The following DMD variants were observed in gnomAD, a reference collection of about 807,000 sequenced individuals.
DMD encodes mutant dystrophin.
In DMD, 63 loss-of-function variants were observed where a neutral mutation model predicts 330.1. The observed-to-expected ratio is 0.19, with a 90% CI of 0.16 to 0.24. The LOEUF (loss-of-function observed/expected upper bound fraction) is 0.24. Among genes scored for constraint, DMD ranks in the 10% least tolerant of loss-of-function variants. DMD has a pLI of 1.00. For missense variants in DMD, 3,344 were observed against 2,684.1 expected (o/e 1.25, Z -5.43); for synonymous variants, 1,223 against 959.8 (o/e 1.27, Z -5.07).
At chrX:31,856,813 T>C (rs774325379) in intron 48 of DMD, among the ~76,000 whole-genome samples, 35 of 112,332 alleles carry the variant, frequency 3.1e-4, no homozygotes, top group African/African-American at 9.7e-4. Context: ...AGAAGACGTA[T>C]TGTAATAAAG....
intron 1 of DMD, among the ~76,000 whole-genome samples, chrX:33,097,781 A>G (rs886326642): frequency 9.2e-6 from 1 of 108,282 alleles, no homozygotes; most frequent in Non-Finnish European, 1.9e-5. Flanking sequence ...ACGCCCGGCT[A>G]ATTTTTGTAT....
rs2032379724 is a variant in DMD, at chrX:31,120,995, T to C, written c.*924A>G. On this transcript the variant is annotated 3_prime_UTR_variant, in exon 79 of 79. Transcript: ENST00000357033. The stretch of plus-strand genomic sequence containing the variant: ...CTTTACTTTCGTTGTCAGTGGAAAG[T>C]TGTTTAAAATGAGAAACATCTGGAG... The C allele has an allele frequency of 9.0e-6, 1 of 111,469 alleles. No homozygotes were observed. 9.2% of individuals were successfully genotyped at this position (111,469 alleles called of 1,213,427 possible).
chrX:31,119,885 A>AATT lies in DMD; in HGVS notation c.*2031_*2033dup, dbSNP rs1555969339. On this transcript the variant is annotated 3_prime_UTR_variant, in exon 79 of 79. Transcript: ENST00000357033. ...TGAAAATTATGAAGGAAAAAGAAAG[A>AATT]ATTATAAAGGAAAAAGAAAATAACG... 8.9e-6 allele frequency: 1 copy of AATT among 112,125 alleles called. No individual in the cohort carries two copies. The highest frequency in any genetic ancestry group is 9.6e-5 in the Admixed American group (1 of 10,467). The allele number at this position is 112,125 out of a possible 1,213,427, so 9.2% of individuals were successfully genotyped here.
At chrX:31,924,385 A>G (rs2094738764) in intron 47 of DMD, among the ~76,000 whole-genome samples, 1 of 112,225 alleles carries the variant, frequency 8.9e-6, no homozygotes, top group Non-Finnish European at 1.9e-5. Flanking sequence ...ATACGTCTGG[A>G]AAAAGACTAA....
intron 44 of DMD, among the ~76,000 whole-genome samples, chrX:31,995,559 C>A (rs1034701106): frequency 9.0e-6 from 1 of 111,405 alleles, no homozygotes; most frequent in African/African-American, 3.3e-5. Flanking sequence ...TCAGAAATTG[C>A]TTTATCTATT....
At chrX:31,797,826 T>C (rs779538533) in intron 50 of DMD, among the ~76,000 whole-genome samples, 2 of 111,355 alleles carry the variant, frequency 1.8e-5, no homozygotes, top group East Asian at 5.6e-4. Flanking sequence ...ATAAGGGACA[T>C]ATAAAGTGAA....
intron 44 of DMD, among the ~76,000 whole-genome samples, chrX:32,105,319 A>G (rs890252079): frequency 4.5e-5 from 5 of 112,255 alleles, no homozygotes; most frequent in African/African-American, 1.6e-4. Flanking sequence ...GCTATTAGTG[A>G]ATAATGACAA....
chrX:32,224,204 T>TTAATA (rs2097140438), intron 43 of DMD, among the ~76,000 whole-genome samples: 1 of 111,690 alleles, frequency 9.0e-6, no homozygotes, highest in African/African-American at 3.2e-5. Context: ...ATAGATGTTA[T>TTAATA]TAATATACAA....
At chrX:31,393,068 A>G (rs765414062) in intron 60 of DMD, among the ~76,000 whole-genome samples, 2 of 112,636 alleles carry the variant, frequency 1.8e-5, no homozygotes, top group South Asian at 7.4e-4. Context: ...TTTAATATGG[A>G]AAGCAGGTCA....
chrX:31,138,616 T>A, intron 76 of DMD, among the ~76,000 whole-genome samples: 1 of 92,818 alleles, frequency 1.1e-5, no homozygotes, highest in African/African-American at 4.3e-5. Context: ...ACCTCTTACA[T>A]GGCAGCAGGA....
At chrX:31,471,025 C>T (rs1327473005) in intron 59 of DMD, among the ~76,000 whole-genome samples, 1 of 111,788 alleles carries the variant, frequency 8.9e-6, no homozygotes, top group African/African-American at 3.2e-5. Context: ...ATCCCAGGTC[C>T]ACTTCAGACT....
intron 55 of DMD, among the ~76,000 whole-genome samples, chrX:31,591,067 C>A (rs893610100): frequency 9.0e-6 from 1 of 111,717 alleles, no homozygotes; most frequent in East Asian, 2.8e-4. Flanking sequence ...GTAAAACTTA[C>A]CAGATTTTAA....
intron 41 of DMD, among the ~76,000 whole-genome samples, chrX:32,315,525 AG>A (rs1296615546): frequency 8.3e-5 from 9 of 108,320 alleles, no homozygotes; most frequent in Non-Finnish European, 1.7e-4. Context: ...AAAAAAAAAA[AG>A]AAAAAATCAT....
intron 6 of DMD, among the ~76,000 whole-genome samples, chrX:32,813,103 CTTATCTAAGTCATATAATTTATTT>C (rs1030932031): frequency 8.0e-5 from 9 of 111,806 alleles, no homozygotes; most frequent in African/African-American, 2.9e-4. Flanking sequence ...GTGTGGATAT[CTTATCTAAGTCATATAATTTATTT>C]GAGCTTTGGC....
chrX:32,139,532 G>A (rs757016404), intron 44 of DMD, among the ~76,000 whole-genome samples: 1 of 112,331 alleles, frequency 8.9e-6, no homozygotes, highest in Non-Finnish European at 1.9e-5. Flanking sequence ...GATAGTGGTA[G>A]TAACTATATA....
At chrX:31,900,584 T>C (rs1278046043) in intron 47 of DMD, among the ~76,000 whole-genome samples, 2 of 111,262 alleles carry the variant, frequency 1.8e-5, no homozygotes, top group Non-Finnish European at 3.8e-5. Context: ...AGTGTGAAAA[T>C]GGACTAATAC....
intron 25 of DMD, among the ~76,000 whole-genome samples, chrX:32,460,033 T>C (rs2098377626): frequency 9.0e-6 from 1 of 110,798 alleles, no homozygotes; most frequent in Admixed American, 9.7e-5. Flanking sequence ...TCATATCATA[T>C]GTGGATGTGA....
intron 7 of DMD, among the ~76,000 whole-genome samples, chrX:32,771,503 T>TAC (rs754545800): frequency 0.015 from 1,571 of 105,768 alleles, 10 homozygotes; most frequent in East Asian, 0.08. Context: ...ATTTTGTTAA[T>TAC]ACACACACAC....
At chrX:32,898,606 TGA>T (rs893719453) in intron 2 of DMD, among the ~76,000 whole-genome samples, 2 of 112,017 alleles carry the variant, frequency 1.8e-5, no homozygotes, top group African/African-American at 6.5e-5. Flanking sequence ...TAATGCAAAT[TGA>T]GAGACAGGTT....
Sources: allele counts gnomAD v4.1 joint callset (sites outside exome capture counted in the v4.1 genomes callset), GRCh38; gene constraint gnomAD v4.1.1; transcripts MANE v1.5; gene names NCBI Gene and HGNC (gene_info 2026-07-23, HGNC 2026-07-21).